Variants in ARMC3 observed in about 807,000 individuals in gnomAD.
The protein encoded by ARMC3 is armadillo repeat-containing protein 3.
ARMC3 carries 74 observed loss-of-function variants against 90.3 expected under a neutral mutation model. That is an observed-to-expected ratio of 0.82 (90% CI 0.68 to 0.99). The LOEUF (loss-of-function observed/expected upper bound fraction) is 0.99, where lower values mean the gene tolerates loss of function less well. ARMC3 is among the 50% of genes least tolerant of loss of function. The pLI, the probability that ARMC3 is intolerant of heterozygous loss-of-function variation, is 0.00. For missense variants in ARMC3, 958 were observed against 1,042.8 expected, an observed-to-expected ratio of 0.92 and a Z score of 1.12; for synonymous variants, 334 against 361.8, an observed-to-expected ratio of 0.92 and a Z score of 0.87.
At chr10:23,037,178 T>A in intron 18 of ARMC3, 92 bp from the exon 19 acceptor site, 1 of 1,174,642 alleles carries the variant, frequency 8.5e-7, no homozygotes, top group Non-Finnish European at 1.2e-6. Context: ...ACTTGTGTAT[T>A]TCACCTTCAA....
chr10:23,020,686 C>T (rs11013252), intron 16 of ARMC3, among the ~76,000 whole-genome samples: 17,852 of 152,132 alleles, frequency 0.12, 1,477 homozygotes, highest in African/African-American at 0.24. Context: ...ATTTCCCTAA[C>T]AGCTAATGCT....
intron 2 of ARMC3, among the ~76,000 whole-genome samples, chr10:22,939,075 G>A (rs1220922926): frequency 6.6e-6 from 1 of 152,188 alleles, no homozygotes; most frequent in Non-Finnish European, 1.5e-5. Context: ...GCAGCAAGGA[G>A]CTAGAGTAAG....
rs761656737 is a variant in ARMC3, at chr10:23,030,787, A to T, written c.2237A>T (p.Asp746Val). Reference sequence around the variant, plus strand: ...ACCAATATTAAGGAACAGATTGAGGATCTGGCAAAGTAAGTTGTCTATGTA... The same window carrying T: ...ACCAATATTAAGGAACAGATTGAGGTTCTGGCAAAGTAAGTTGTCTATGTA... ...PITNIKEQIE[D>V]LAKYVAEKMG... The change falls in exon 17 of 19, where the codon GAT becomes GTT. Residue 746 changes from aspartate to valine, a missense_variant. Physicochemically the swap from Asp to Val is radical, Grantham distance 152. Coordinates refer to ENST00000298032, the MANE Select transcript of ARMC3 (RefSeq NM_173081.5). 1.1e-5 allele frequency: 17 copies of T among 1,613,472 alleles called. No individual in the cohort carries two copies. Among genetic ancestry groups the T allele is most frequent in the Non-Finnish European group, 1.4e-5 (17 of 1,179,618 alleles).
chr10:22,990,087 T>C (rs566594086), intron 10 of ARMC3, among the ~76,000 whole-genome samples: 2 of 152,376 alleles, frequency 1.3e-5, no homozygotes, highest in East Asian at 3.9e-4. Context: ...AACCTCGTTT[T>C]AAAGTTGCTA....
rs189034352 is a variant in ARMC3 at position 22,948,548 on chromosome 10, A to G, written c.166+2287A>G. On this transcript the variant is annotated intron_variant, in intron 3 of 18. Coordinates refer to ENST00000298032, the MANE Select transcript of ARMC3 (RefSeq NM_173081.5). ...AAACAGACCCAATATGTGAAAGTAGAGTAGACTTACTCTATTGGTGGAAAC... is the reference window on the plus strand; with the variant it reads ...AAACAGACCCAATATGTGAAAGTAGGGTAGACTTACTCTATTGGTGGAAAC... Among the ~76,000 whole-genome samples the G allele has an allele frequency of 1.1e-4, 16 of 152,280 alleles. No homozygotes were observed. In the East Asian group the frequency reaches 1.7e-3, roughly 17 times the overall value.
At chr10:23,021,173 A>G (rs528406597) in intron 16 of ARMC3, among the ~76,000 whole-genome samples, 2 of 152,320 alleles carry the variant, frequency 1.3e-5, no homozygotes, top group South Asian at 4.1e-4. Context: ...ATCGTATTCT[A>G]TGGTGTATAC....
At chr10:22,966,885 G>T (rs908981038) in intron 7 of ARMC3, among the ~76,000 whole-genome samples, 4 of 151,758 alleles carry the variant, frequency 2.6e-5, no homozygotes, top group Admixed American at 1.3e-4. Flanking sequence ...CTCCCATCAG[G>T]TCCCTCCCTT....
At chr10:23,005,854 A>T (rs370873127) in intron 13 of ARMC3, among the ~76,000 whole-genome samples, 235 of 151,318 alleles carry the variant, frequency 1.6e-3, no homozygotes, top group Middle Eastern at 3.4e-3. Flanking sequence ...ACAGAGCTAG[A>T]CTCCATCTCA....
intron 3 of ARMC3, among the ~76,000 whole-genome samples, chr10:22,948,561 T>A (rs1834625431): frequency 6.6e-6 from 1 of 152,096 alleles, no homozygotes; most frequent in African/African-American, 2.4e-5. Context: ...AGACTTACTC[T>A]ATTGGTGGAA....
intron 1 of ARMC3, among the ~76,000 whole-genome samples, chr10:22,929,560 G>C (rs1156929080): frequency 6.6e-6 from 1 of 151,524 alleles, no homozygotes; most frequent in East Asian, 1.9e-4. Context: ...GCTTTTTTTG[G>C]GGGAGGAGAC....
At chr10:23,010,716 C>T (rs1837940789) in intron 16 of ARMC3, among the ~76,000 whole-genome samples, 1 of 100,532 alleles carries the variant, frequency 9.9e-6, no homozygotes, top group Non-Finnish European at 2.1e-5. Context: ...CCTTCCTTTC[C>T]CTCCCCTTTC....
intron 2 of ARMC3, among the ~76,000 whole-genome samples, chr10:22,943,594 T>G (rs1834405958): frequency 6.6e-6 from 1 of 152,038 alleles, no homozygotes; most frequent in Admixed American, 6.6e-5. Flanking sequence ...CCATTATTAG[T>G]TTTTTTTCCC....
At chr10:22,958,993 G>T in intron 4 of ARMC3, 77 bp from the exon 5 acceptor site, 2 of 1,200,858 alleles carry the variant, frequency 1.7e-6, no homozygotes, top group Non-Finnish European at 2.5e-6. Flanking sequence ...AAAGTGCTGG[G>T]ATTACAGGCA....
Position 23,030,734 on chromosome 10 carries a change from T to G in ARMC3, c.2184T>G (p.Tyr728Ter). The stretch of plus-strand genomic sequence containing the variant: ...ACCCTGATTTCTCTATGTATGTGTA[T>G]GAGGTGACCAAATCAATACTGCCAA... ...PSDPDFSMYVYEVTKSILPIT... is the reference protein window; with the variant it reads ...PSDPDFSMYV The change falls in exon 17 of 19, where the codon TAT becomes TAG. Residue 728 changes from tyrosine (Y) to a stop codon, truncating the protein, a stop_gained. Coordinates refer to ENST00000298032, the MANE Select transcript of ARMC3 (RefSeq NM_173081.5). LOFTEE classifies it high-confidence loss of function. 1.9e-6 allele frequency: 3 copies of G among 1,613,864 alleles called. No individual in the cohort carries two copies. The highest frequency in any genetic ancestry group is 2.5e-6 in the Non-Finnish European group (3 of 1,179,834).
At chr10:22,958,688 G>A (rs1835058633) in intron 4 of ARMC3, among the ~76,000 whole-genome samples, 2 of 152,016 alleles carry the variant, frequency 1.3e-5, no homozygotes, top group African/African-American at 4.8e-5. Flanking sequence ...AATATTACCT[G>A]TCTCATAAGG....
At chr10:23,010,607 T>C in intron 16 of ARMC3, among the ~76,000 whole-genome samples, 1 of 126,050 alleles carries the variant, frequency 7.9e-6, no homozygotes, top group Non-Finnish European at 1.7e-5. Flanking sequence ...CTCTCTCCCT[T>C]CCTTCCCATT....
chr10:23,000,346 C>T (rs1352882615), intron 11 of ARMC3, among the ~76,000 whole-genome samples: 1 of 152,114 alleles, frequency 6.6e-6, no homozygotes, highest in Non-Finnish European at 1.5e-5. Flanking sequence ...CCAGCTCTAC[C>T]CTCCTGTCCC....
rs145658249 is a variant in ARMC3, at chr10:22,941,908, T to TG, written c.49-4234dup. Among the ~76,000 whole-genome samples, 660 of 152,320 alleles carry TG rather than the reference T, an allele frequency of 4.3e-3. 5 individuals are homozygous for TG. The highest frequency in any genetic ancestry group is 0.015 in the African/African-American group (607 of 41,574). ...TTTGCAGTGAGGCCCTCTCAATTGC[T>TG]GGTCATGAATTTATAATGATACTAA... On this transcript the variant is annotated intron_variant, in intron 2 of 18. Coordinates refer to ENST00000298032, the MANE Select transcript of ARMC3 (RefSeq NM_173081.5).
intron 10 of ARMC3, among the ~76,000 whole-genome samples, chr10:22,988,934 G>C (rs1290303693): frequency 1.3e-5 from 2 of 152,192 alleles, no homozygotes; most frequent in Non-Finnish European, 2.9e-5. Context: ...TCGTGTTGTA[G>C]ACTTGATGTA....
Sources: allele counts gnomAD v4.1 joint callset (sites outside exome capture counted in the v4.1 genomes callset), GRCh38; gene constraint gnomAD v4.1.1; transcripts MANE v1.5; gene names NCBI Gene and HGNC (gene_info 2026-07-23, HGNC 2026-07-21).